Variants in MACROD2 observed in about 807,000 individuals in gnomAD.
MACROD2 encodes ADP-ribose glycohydrolase MACROD2.
MACROD2 carries 36 observed loss-of-function variants against 70.4 expected under a neutral mutation model. That is an observed-to-expected ratio of 0.51 (90% confidence interval 0.39 to 0.68). The LOEUF is 0.68. Ranked by LOEUF, MACROD2 falls within the 30% of genes least tolerant of loss-of-function variation. The pLI is 0.00. For synonymous variants in MACROD2, 172 were observed against 178.8 expected (o/e 0.96, Z 0.30); for missense variants, 496 against 538.4 (o/e 0.92, Z 0.78).
At chr20:15,983,063 A>C (rs1318155302) in intron 13 of MACROD2, among the ~76,000 whole-genome samples, 1 of 152,238 alleles carries the variant, frequency 6.6e-6, no homozygotes, top group Non-Finnish European at 1.5e-5. Context: ...GCTGGGGCCA[A>C]CATGAGTTTT....
chr20:13,999,043 G>A (rs2052699398), intron 1 of MACROD2, among the ~76,000 whole-genome samples: 1 of 151,646 alleles, frequency 6.6e-6, no homozygotes, highest in African/African-American at 2.4e-5. Context: ...TCATTGGTCT[G>A]TTCCTTTACA....
intron 6 of MACROD2, among the ~76,000 whole-genome samples, chr20:15,303,966 A>G (rs1264852380): frequency 6.6e-6 from 1 of 152,156 alleles, no homozygotes. Flanking sequence ...AGTTTCCTAT[A>G]GTATCCCCCA....
intron 8 of MACROD2, among the ~76,000 whole-genome samples, chr20:15,618,980 A>G (rs1386931283): frequency 4.6e-5 from 7 of 152,172 alleles, no homozygotes; most frequent in African/African-American, 1.4e-4. Flanking sequence ...CTGGAGATGA[A>G]ACCATAGGGA....
chr20:14,797,626 A>C (rs2072525749), intron 5 of MACROD2, among the ~76,000 whole-genome samples: 1 of 152,034 alleles, frequency 6.6e-6, no homozygotes, highest in Admixed American at 6.6e-5. Flanking sequence ...GTCTTCCCCA[A>C]GCCCCGGGTT....
At chr20:14,272,440 A>T (rs2122359800) in intron 3 of MACROD2, among the ~76,000 whole-genome samples, 1 of 152,028 alleles carries the variant, frequency 6.6e-6, no homozygotes, top group Admixed American at 6.5e-5. Flanking sequence ...AGACAAGCAA[A>T]TGCTGAGAGA....
At chr20:15,878,301 T>A (rs1307032502) in intron 9 of MACROD2, among the ~76,000 whole-genome samples, 1 of 152,158 alleles carries the variant, frequency 6.6e-6, no homozygotes, top group East Asian at 1.9e-4. Flanking sequence ...ATATTGGACA[T>A]CTACTCTTTT....
chr20:14,940,456 G>T (rs550014648), intron 5 of MACROD2, among the ~76,000 whole-genome samples: 2 of 152,296 alleles, frequency 1.3e-5, no homozygotes, highest in Admixed American at 1.3e-4. Flanking sequence ...AGTAGTAAAA[G>T]TGAGCATCCT....
intron 3 of MACROD2, among the ~76,000 whole-genome samples, chr20:14,202,909 G>A (rs534181303): frequency 6.5e-4 from 99 of 152,170 alleles, no homozygotes; most frequent in African/African-American, 1.9e-3. Flanking sequence ...TTACCCGGAT[G>A]TGGTGGCACA....
intron 8 of MACROD2, among the ~76,000 whole-genome samples, chr20:15,630,713 T>C (rs1241651614): frequency 6.6e-6 from 1 of 152,252 alleles, no homozygotes; most frequent in Non-Finnish European, 1.5e-5. Flanking sequence ...CCTTTGGCCG[T>C]GCACAAAATG....
intron 3 of MACROD2, among the ~76,000 whole-genome samples, chr20:14,314,861 A>C (rs1387827488): frequency 1.3e-5 from 2 of 152,122 alleles, no homozygotes; most frequent in Non-Finnish European, 2.9e-5. Context: ...TGAAATACAT[A>C]ATTTTTTCCA....
intron 5 of MACROD2, among the ~76,000 whole-genome samples, chr20:14,838,124 T>A (rs1264438544): frequency 2.0e-5 from 3 of 152,086 alleles, no homozygotes; most frequent in Non-Finnish European, 4.4e-5. Flanking sequence ...AATATCTTGT[T>A]TGAGTCATTT....
At chr20:15,928,177 C>G (rs1042130937) in intron 10 of MACROD2, among the ~76,000 whole-genome samples, 1 of 152,182 alleles carries the variant, frequency 6.6e-6, no homozygotes, top group Non-Finnish European at 1.5e-5. Flanking sequence ...GTATTCAAGG[C>G]TGATGGGCAT....
rs114634344 is a variant in MACROD2, at chr20:14,975,942, C to T, written c.419-253998C>T. Among the ~76,000 whole-genome samples the T allele has an allele frequency of 5.8e-3, 887 of 152,232 alleles. 11 individuals are homozygous for T. The highest frequency in any genetic ancestry group is 0.02 in the African/African-American group (847 of 41,552). ...TTGACAGGAGGTGGATTACAGTTCC[C>T]GGCTTTCAACGGAATTAACAGGCTC... is the stretch of plus-strand genomic sequence containing the variant. On this transcript the variant is annotated intron_variant, in intron 5 of 17. Transcript: ENST00000684519.
intron 6 of MACROD2, among the ~76,000 whole-genome samples, chr20:15,311,531 C>T (rs139556024): frequency 6.6e-6 from 1 of 152,134 alleles, no homozygotes; most frequent in African/African-American, 2.4e-5. Context: ...ATAAAATCAA[C>T]CTAGGTGCCC....
At chr20:14,044,072 C>A (rs569456328) in intron 2 of MACROD2, among the ~76,000 whole-genome samples, 1 of 152,348 alleles carries the variant, frequency 6.6e-6, no homozygotes, top group South Asian at 2.1e-4. Context: ...AAGCCACAGA[C>A]CCTCGCGGTG....
At position 15,624,663 on chromosome 20, in the gene MACROD2, A is replaced by G. The variant is rs138933385; in HGVS notation, c.645+124816A>G. Among the ~76,000 whole-genome samples the G allele has an allele frequency of 7.9e-5, 12 of 152,294 alleles. No homozygotes were observed. The East Asian group carries it at 2.3e-3, about 29-fold the overall frequency. On this transcript the variant is annotated intron_variant, in intron 8 of 17. Coordinates refer to ENST00000684519, the MANE Select transcript of MACROD2 (RefSeq NM_001351661.2). ...ATAATGTCTCCAGCCGCTTTCTGAC[A>G]AATAGTGGCAAACAATGACAGAGTT...
chr20:14,721,823 T>C (rs1882457289), intron 5 of MACROD2, among the ~76,000 whole-genome samples: 1 of 152,202 alleles, frequency 6.6e-6, no homozygotes, highest in South Asian at 2.1e-4. Context: ...CAAGATAGGC[T>C]TTTCCTTGTT....
chr20:15,925,051 C>A (rs573569055), intron 10 of MACROD2, among the ~76,000 whole-genome samples: 1 of 152,280 alleles, frequency 6.6e-6, no homozygotes, highest in South Asian at 2.1e-4. Flanking sequence ...ATTATGCTAA[C>A]CTCATTTTGG....
At chr20:15,588,871 T>A (rs1333691702) in intron 8 of MACROD2, among the ~76,000 whole-genome samples, 1 of 152,204 alleles carries the variant, frequency 6.6e-6, no homozygotes, top group Non-Finnish European at 1.5e-5. Flanking sequence ...TGTGTCTTCT[T>A]CTGAGCCCTC....
Sources: allele counts gnomAD v4.1 joint callset (sites outside exome capture counted in the v4.1 genomes callset), GRCh38; gene constraint gnomAD v4.1.1; transcripts MANE v1.5; gene names NCBI Gene and HGNC (gene_info 2026-07-23, HGNC 2026-07-21).